Variants in CCDC63 observed in about 807,000 individuals in gnomAD.
The protein encoded by CCDC63 is coiled-coil domain containing 63.
Under a neutral mutation model 63.6 loss-of-function variants are expected in CCDC63, and 54 were observed. The ratio of observed to expected loss-of-function variants is 0.85; its 90% CI spans 0.68 to 1.07. CCDC63 has a LOEUF of 1.07. Among genes scored for constraint, CCDC63 ranks in the 50% least tolerant of loss-of-function variants. The pLI is 0.00. For synonymous variants in CCDC63, 253 were observed against 266.1 expected (o/e 0.95, Z 0.48); for missense variants, 637 against 689.6 (o/e 0.92, Z 0.86).
chr12:110,887,809 G>A (rs547459011), intron 8 of CCDC63, among the ~76,000 whole-genome samples: 121 of 152,124 alleles, frequency 8.0e-4, no homozygotes, highest in African/African-American at 2.7e-3. Context: ...ATGTTGGCCA[G>A]GATGGTCTCA....
At position 110,851,293 on chromosome 12, in the gene CCDC63, C is replaced by T. The variant is rs115520810; in HGVS notation, c.-96-1566C>T. 2.1e-3 allele frequency among the ~76,000 whole-genome samples: 314 copies of T among 152,270 alleles called. 3 individuals carry two copies. The highest frequency in any genetic ancestry group is 7.1e-3 in the African/African-American group (295 of 41,544). The stretch of plus-strand genomic sequence containing the variant: ...ATGTTCTCAAGCCTCAAGATTCAGT[C>T]TGTCTTCATTTTGTCTTCTCTCCTC... On this transcript the variant is annotated intron_variant, in intron 1 of 11. Coordinates refer to ENST00000308208, the MANE Select transcript of CCDC63 (RefSeq NM_152591.3).
At chr12:110,871,735 T>C (rs918916199) in intron 4 of CCDC63, among the ~76,000 whole-genome samples, 3 of 152,108 alleles carry the variant, frequency 2.0e-5, no homozygotes, top group Non-Finnish European at 2.9e-5. Flanking sequence ...ATCACCAAGA[T>C]CAAGAGGTAG....
Position 110,879,906 on chromosome 12 carries a change from GTCACTGT to G in CCDC63, c.496_502del (p.Val166LeufsTer5), listed in dbSNP as rs1225749506. The stretch of plus-strand genomic sequence containing the variant: ...TTTTGAAGCATGGCCCTTTCAACAG[GTCACTGT>G]TCACTTTGACAAGATGCTGACCACT... On this transcript the variant is annotated frameshift_variant and splice_region_variant, in exon 6 of 12. Transcript: ENST00000308208. LOFTEE classifies it high-confidence loss of function. 1 of 1,614,036 alleles carries G rather than the reference GTCACTGT, an allele frequency of 6.2e-7. No homozygotes were observed. The highest frequency in any genetic ancestry group is 1.1e-5 in the South Asian group (1 of 91,068).
intron 5 of CCDC63, among the ~76,000 whole-genome samples, chr12:110,876,882 A>G (rs961468766): frequency 5.3e-5 from 8 of 150,406 alleles, no homozygotes; most frequent in Non-Finnish European, 1.0e-4. Flanking sequence ...AAAAATACAA[A>G]AAAAAAAAAA....
At position 110,904,750 on chromosome 12, in the gene CCDC63, C is replaced by G; in HGVS notation, c.1505C>G (p.Pro502Arg). 6.2e-7 allele frequency: 1 copy of G among 1,613,994 alleles called. No homozygotes were observed. The highest frequency in any genetic ancestry group is 8.5e-7 in the Non-Finnish European group (1 of 1,179,938). ...CCAGAACCCATCAAAGTCATCCCCC[C>G]AGTGCTGGGGGCTGACCCCTTCAGC... ...KPPEPIKVIP[P>R]VLGADPFSDR... is the part of the protein sequence containing the mutation. Residue 502 changes from proline (P) to arginine (R), a missense_variant, in exon 11 of 12, where the codon CCA becomes CGA. By Grantham distance (103) the Pro-to-Arg change is moderately radical. Coordinates refer to ENST00000308208, the MANE Select transcript of CCDC63 (RefSeq NM_152591.3).
intron 4 of CCDC63, among the ~76,000 whole-genome samples, chr12:110,869,170 G>T (rs1050171284): frequency 4.6e-5 from 7 of 152,316 alleles, no homozygotes; most frequent in Non-Finnish European, 8.8e-5. Context: ...CTGATTCCCA[G>T]CTGGAGGCTG....
chr12:110,890,603 G>C (rs1359353918), intron 8 of CCDC63, among the ~76,000 whole-genome samples: 2 of 150,110 alleles, frequency 1.3e-5, no homozygotes, highest in Non-Finnish European at 3.0e-5. Context: ...TGAAGGCAGT[G>C]TGTGGTTACA....
intron 3 of CCDC63, among the ~76,000 whole-genome samples, chr12:110,855,832 C>T (rs1593638341): frequency 2.0e-5 from 3 of 152,244 alleles, no homozygotes; most frequent in South Asian, 2.1e-4. Flanking sequence ...CCACCCGCCT[C>T]GGCCTCCCAA....
intron 6 of CCDC63, 90 bp downstream of exon 6, chr12:110,880,177 T>C: frequency 9.0e-7 from 1 of 1,116,058 alleles, no homozygotes; most frequent in Non-Finnish European, 1.3e-6. Flanking sequence ...CTGTCCCTGG[T>C]CGTTATGTGT....
intron 3 of CCDC63, among the ~76,000 whole-genome samples, chr12:110,857,388 G>T (rs987276615): frequency 6.6e-6 from 1 of 151,818 alleles, no homozygotes; most frequent in Non-Finnish European, 1.5e-5. Flanking sequence ...GCCTCCTAAA[G>T]TGCTGGGATT....
chr12:110,881,271 C>A lies in CCDC63; in HGVS notation c.828C>A (p.Phe276Leu), dbSNP rs762555966. The A allele has an allele frequency of 1.9e-6, 3 of 1,613,516 alleles. No individual in the cohort carries two copies. The highest frequency in any genetic ancestry group is 2.5e-6 in the Non-Finnish European group (3 of 1,179,750). Residue 276 changes from phenylalanine to leucine, a missense_variant, in exon 7 of 12, where the codon TTC (phenylalanine) becomes TTA (leucine). Coordinates refer to ENST00000308208, the MANE Select transcript of CCDC63 (RefSeq NM_152591.3). ...TCAAGCTGAATGATCGCAATGAATT[C>A]GAGGAGCAGGCCAAAAGGGAGGAAG... ...LLVKLNDRNE[F>L]EEQAKREEAL...
chr12:110,871,286 C>T (rs891493536), intron 4 of CCDC63, among the ~76,000 whole-genome samples: 5 of 152,068 alleles, frequency 3.3e-5, no homozygotes, highest in African/African-American at 4.8e-5. Flanking sequence ...GGACTACTGG[C>T]GCCCGCCACC....
chr12:110,895,913 G>A (rs906805659), intron 9 of CCDC63, among the ~76,000 whole-genome samples: 1 of 152,136 alleles, frequency 6.6e-6, no homozygotes, highest in African/African-American at 2.4e-5. Flanking sequence ...GATGAGCTTG[G>A]TACAGGGAAG....
At chr12:110,890,781 T>C (rs899053767) in intron 8 of CCDC63, among the ~76,000 whole-genome samples, 35 of 145,718 alleles carry the variant, frequency 2.4e-4, no homozygotes, top group East Asian at 2.0e-4. Flanking sequence ...TTCTTTTTTT[T>C]TTTTTTTTTT....
chr12:110,901,139 A>T (rs113504660), intron 10 of CCDC63, among the ~76,000 whole-genome samples: 14 of 152,046 alleles, frequency 9.2e-5, no homozygotes, highest in East Asian at 5.8e-4. Context: ...CTCTTTTAAA[A>T]TTTTTTTTAA....
intron 3 of CCDC63, 107 bp from the exon 4 acceptor site, chr12:110,858,479 T>G (rs2070807226): frequency 1.1e-6 from 1 of 950,628 alleles, no homozygotes; most frequent in Non-Finnish European, 1.5e-6. Context: ...CTTGCTCAGG[T>G]GGGAAATTCC....
intron 5 of CCDC63, among the ~76,000 whole-genome samples, chr12:110,874,397 G>C (rs573330764): frequency 6.6e-6 from 1 of 152,266 alleles, no homozygotes; most frequent in African/African-American, 2.4e-5. Context: ...AATGGGAAAG[G>C]TGACACTGAT....
chr12:110,888,781 CCTT>C (rs1171034894), intron 8 of CCDC63, among the ~76,000 whole-genome samples: 1 of 145,042 alleles, frequency 6.9e-6, no homozygotes, highest in South Asian at 2.3e-4. Flanking sequence ...TTTTTTTGGT[CCTT>C]CTTTCCTTCC....
chr12:110,895,165 A>C (rs1458274338), intron 9 of CCDC63, among the ~76,000 whole-genome samples: 1 of 145,744 alleles, frequency 6.9e-6, no homozygotes, highest in African/African-American at 2.6e-5. Context: ...CCAGGCTGGA[A>C]TGCAGTGGCA....
Sources: gnomAD v4.1 joint callset for allele counts (sites outside exome capture counted in the v4.1 genomes callset) on GRCh38, gnomAD v4.1.1 for gene constraint, MANE v1.5 for transcripts, NCBI Gene and HGNC (gene_info 2026-07-23, HGNC 2026-07-21) for gene names.